Variants in FBN2 observed in about 807,000 individuals in gnomAD.
FBN2 encodes the protein fibrillin-2.
A neutral mutation model predicts 355.6 loss-of-function variants in FBN2; 105 were observed. That is an observed-to-expected ratio of 0.30 (90% CI 0.25 to 0.35). The LOEUF (loss-of-function observed/expected upper bound fraction) is 0.35, where lower values mean the gene tolerates loss of function less well. Ranked by LOEUF, FBN2 falls within the 10% of genes least tolerant of loss-of-function variation. The pLI is 1.00. For missense variants in FBN2, 3,280 were observed against 3,758.7 expected, an observed-to-expected ratio of 0.87 and a Z score of 3.33; for synonymous variants, 1,350 against 1,301.2, an observed-to-expected ratio of 1.04 and a Z score of -0.81.
At chr5:128,491,842 C>T (rs1402216744) in intron 5 of FBN2, among the ~76,000 whole-genome samples, 1 of 152,114 alleles carries the variant, frequency 6.6e-6, no homozygotes, top group Admixed American at 6.6e-5. Context: ...TATTTATATT[C>T]GTTTGGGGCA....
chr5:128,514,693 T>C (rs909450507), intron 5 of FBN2, among the ~76,000 whole-genome samples: 3 of 152,192 alleles, frequency 2.0e-5, no homozygotes, highest in African/African-American at 7.2e-5. Flanking sequence ...ATCTTGCTTG[T>C]CCTTTTGTGT....
intron 34 of FBN2, among the ~76,000 whole-genome samples, chr5:128,327,306 C>T (rs1406197176): frequency 6.6e-6 from 1 of 152,144 alleles, no homozygotes; most frequent in African/African-American, 2.4e-5. Flanking sequence ...GTTGCTATTT[C>T]TGGAGAATTT....
chr5:128,520,268 A>G (rs1756396840), intron 4 of FBN2, among the ~76,000 whole-genome samples: 1 of 152,174 alleles, frequency 6.6e-6, no homozygotes, highest in Admixed American at 6.5e-5. Flanking sequence ...CACACTCTCT[A>G]GAATCCTTGG....
At chr5:128,332,628 A>G (rs746516527) in intron 32 of FBN2, among the ~76,000 whole-genome samples, 1 of 152,214 alleles carries the variant, frequency 6.6e-6, no homozygotes, top group Non-Finnish European at 1.5e-5. Context: ...TTGGAAGAAC[A>G]TACTAGTCAT....
intron 6 of FBN2, among the ~76,000 whole-genome samples, chr5:128,463,657 C>T (rs1299864180): frequency 1.3e-5 from 2 of 152,116 alleles, no homozygotes; most frequent in Admixed American, 6.6e-5. Context: ...ATTCAATGAA[C>T]TAAAGTTACG....
chr5:128,390,737 G>A (rs1371220881), intron 11 of FBN2, among the ~76,000 whole-genome samples: 1 of 152,192 alleles, frequency 6.6e-6, no homozygotes, highest in South Asian at 2.1e-4. Flanking sequence ...AAGAATGACT[G>A]ACAAATTATA....
chr5:128,318,794 G>A, intron 35 of FBN2, 85 bp downstream of exon 35: 9 of 1,422,552 alleles, frequency 6.3e-6, no homozygotes, highest in Non-Finnish European at 8.8e-6. Flanking sequence ...GATTAGCTAA[G>A]CAGAAATCTC....
At position 128,455,990 on chromosome 5, in the gene FBN2, C is replaced by CAAAAAAAAAAAAAAAAAAAAAA. The variant is rs70997371; in HGVS notation, c.826+8712_826+8733dup. 5.1e-4 allele frequency among the ~76,000 whole-genome samples: 13 copies of CAAAAAAAAAAAAAAAAAAAAAA among 25,276 alleles called. 3 individuals are homozygous for CAAAAAAAAAAAAAAAAAAAAAA. The highest frequency in any genetic ancestry group is 7.1e-4 in the Non-Finnish European group (9 of 12,632). 16.6% of individuals were successfully genotyped at this position (25,276 alleles called of 152,430 possible). On this transcript the variant is annotated intron_variant, in intron 6 of 64. Transcript: ENST00000262464. ...GAGCTCCTTGGGGGAGGGTTAGCAACAAAAAAAAAAAAAAAAAAAAAAAAA... is the reference window on the plus strand; with the variant it reads ...GAGCTCCTTGGGGGAGGGTTAGCAACAAAAAAAAAAAAAAAAAAAAAAAAAAAAAAAAAAAAAAAAAAAAAAA...
At chr5:128,259,928 C>G in intron 64 of FBN2, 99 bp from the exon 65 acceptor site, 1 of 1,254,070 alleles carries the variant, frequency 8.0e-7, no homozygotes, top group Non-Finnish European at 1.2e-6. Flanking sequence ...CGAGGACAGG[C>G]TGTGGCTTCC....
At chr5:128,347,903 C>T (rs114964423) in intron 23 of FBN2, among the ~76,000 whole-genome samples, 218 of 152,024 alleles carry the variant, frequency 1.4e-3, no homozygotes, top group African/African-American at 4.9e-3. Context: ...TTCAGTCCCT[C>T]GAGTAGCTGG....
chr5:128,346,151 T>C (rs1751177183), intron 23 of FBN2, among the ~76,000 whole-genome samples: 1 of 152,180 alleles, frequency 6.6e-6, no homozygotes, highest in African/African-American at 2.4e-5. Flanking sequence ...CAATTATTTG[T>C]TTAAATGTCA....
At chr5:128,536,840 A>G (rs1357528390) in intron 1 of FBN2, among the ~76,000 whole-genome samples, 3 of 152,148 alleles carry the variant, frequency 2.0e-5, no homozygotes, top group Non-Finnish European at 4.4e-5. Flanking sequence ...TCCCAAATCC[A>G]TTCCTCCTTG....
In FBN2 at chr5:128,344,452, T is replaced by C. The variant is rs1273488143; in HGVS notation, c.3276A>G (p.Thr1092=). Reference sequence around the variant, plus strand: ...TGCAACGGCATTTGAAGCTTCCGATTGTATTTCTGCACTTCCCATAAGTGC... The same window carrying C: ...TGCAACGGCATTTGAAGCTTCCGATCGTATTTCTGCACTTCCCATAAGTGC... ...GMCTYGKCRN[T]IGSFKCRCNS... is the part of the protein sequence containing the mutation. The change falls in exon 25 of 65, where the codon ACA becomes ACG. Residue 1092 remains threonine (T), a synonymous_variant. Coordinates refer to ENST00000262464, the MANE Select transcript of FBN2 (RefSeq NM_001999.4). The C allele has an allele frequency of 6.2e-7, 1 of 1,613,350 alleles. No homozygotes were observed. Among genetic ancestry groups the C allele is most frequent in the African/African-American group, 1.3e-5 (1 of 74,912 alleles).
At chr5:128,313,244 A>C (rs996642075) in intron 36 of FBN2, among the ~76,000 whole-genome samples, 9 of 128,578 alleles carry the variant, frequency 7.0e-5, no homozygotes, top group African/African-American at 2.2e-4. Flanking sequence ...CAACTAATCT[A>C]AGGCTTTTCT....
chr5:128,508,578 G>C (rs1303224941), intron 5 of FBN2, among the ~76,000 whole-genome samples: 2 of 151,836 alleles, frequency 1.3e-5, no homozygotes, highest in African/African-American at 4.8e-5. Context: ...ATAGGACATT[G>C]TAATTAATTT....
intron 8 of FBN2, 95 bp from the exon 9 acceptor site, chr5:128,395,369 C>T: frequency 7.8e-7 from 1 of 1,290,058 alleles, no homozygotes; most frequent in Non-Finnish European, 1.1e-6. Context: ...TGAAGTGACT[C>T]ATACCACTTA....
intron 5 of FBN2, among the ~76,000 whole-genome samples, chr5:128,512,442 G>A (rs548658354): frequency 1.3e-5 from 2 of 150,986 alleles, no homozygotes; most frequent in Admixed American, 6.6e-5. Flanking sequence ...GAACCGGGGA[G>A]GCGGAGATTG....
At chr5:128,281,211 A>C (rs1178859837) in intron 55 of FBN2, among the ~76,000 whole-genome samples, 1 of 152,194 alleles carries the variant, frequency 6.6e-6, no homozygotes, top group Non-Finnish European at 1.5e-5. Context: ...TTTAACCAGC[A>C]GTTTAAACCA....
chr5:128,514,774 T>C (rs919268668), intron 5 of FBN2, among the ~76,000 whole-genome samples: 1 of 152,348 alleles, frequency 6.6e-6, no homozygotes, highest in Middle Eastern at 3.4e-3. Context: ...GTAGGAATTA[T>C]GAGTAATTAG....
Sources: gnomAD v4.1 joint callset for allele counts (sites outside exome capture counted in the v4.1 genomes callset) on GRCh38, gnomAD v4.1.1 for gene constraint, MANE v1.5 for transcripts, NCBI Gene and HGNC (gene_info 2026-07-23, HGNC 2026-07-21) for gene names.